LMBRD1: variants seen among roughly 807,000 people sequenced by gnomAD.
LMBRD1 encodes the protein LMBR1 domain containing 1.
In LMBRD1, 64 loss-of-function variants were observed where a neutral mutation model predicts 74.8. The ratio of observed to expected loss-of-function variants is 0.86; its 90% CI spans 0.70 to 1.05. The LOEUF is 1.05. Among genes scored for constraint, LMBRD1 ranks in the 50% least tolerant of loss-of-function variants. The probability of loss-of-function intolerance (pLI) is 0.00; values close to 1 mark genes in which losing one functional copy is unlikely to be tolerated. For missense variants in LMBRD1, 652 were observed against 645.9 expected, an observed-to-expected ratio of 1.01 and a Z score of -0.10; for synonymous variants, 204 against 216.3, an observed-to-expected ratio of 0.94 and a Z score of 0.50.
intron 3 of LMBRD1, among the ~76,000 whole-genome samples, chr6:69,756,362 CAAA>C (rs57798368): frequency 2.7e-5 from 3 of 110,410 alleles, no homozygotes; most frequent in Non-Finnish European, 3.8e-5. Flanking sequence ...GACTCAATCT[CAAA>C]AAAAAAAAAA....
chr6:69,699,199 A>G lies in LMBRD1; in HGVS notation c.1189-7T>C. ...CTCTTCTGATTTTATATAACTGGAA[A>G]GAAAAGAGTGACAAAATTTCAGCAA... is the stretch of plus-strand genomic sequence containing the variant. On this transcript the variant is annotated splice_polypyrimidine_tract_variant and splice_region_variant and intron_variant, in intron 12 of 15. Coordinates refer to ENST00000649934, the MANE Select transcript of LMBRD1 (RefSeq NM_018368.4). 1.2e-6 allele frequency: 2 copies of G among 1,610,306 alleles called. No homozygotes were observed. Among genetic ancestry groups the G allele is most frequent in the Non-Finnish European group, 1.7e-6 (2 of 1,177,054 alleles).
At chr6:69,681,478 T>C (rs148301184) in intron 14 of LMBRD1, among the ~76,000 whole-genome samples, 2,294 of 152,120 alleles carry the variant, frequency 0.015, 63 homozygotes, top group African/African-American at 0.052. Context: ...GTAGAATAAA[T>C]AATACCTTTT....
At chr6:69,704,187 T>C (rs1202081707) in intron 9 of LMBRD1, among the ~76,000 whole-genome samples, 1 of 152,092 alleles carries the variant, frequency 6.6e-6, no homozygotes, top group Non-Finnish European at 1.5e-5. Context: ...GTAATTAATA[T>C]GTTTTGTGGT....
At chr6:69,695,336 CCTT>C (rs1765972250) in intron 14 of LMBRD1, among the ~76,000 whole-genome samples, 1 of 151,794 alleles carries the variant, frequency 6.6e-6, no homozygotes, top group Non-Finnish European at 1.5e-5. Context: ...CTTTTTTCAG[CCTT>C]CTTCTCCATA....
chr6:69,705,653 A>G, intron 9 of LMBRD1: 3 of 873,250 alleles, frequency 3.4e-6, no homozygotes, highest in South Asian at 2.6e-5. Context: ...CACCATCTTC[A>G]TCATTATCAT....
intron 9 of LMBRD1, among the ~76,000 whole-genome samples, chr6:69,706,781 CCA>C (rs1766268932): frequency 1.3e-5 from 2 of 152,128 alleles, no homozygotes; most frequent in African/African-American, 4.8e-5. Context: ...ACATAGATAA[CCA>C]CAGTTATTAT....
intron 3 of LMBRD1, among the ~76,000 whole-genome samples, chr6:69,769,617 T>C (rs1765537503): frequency 6.6e-6 from 1 of 152,138 alleles, no homozygotes; most frequent in African/African-American, 2.4e-5. Flanking sequence ...ATTACGCTTT[T>C]TGCTCCTGAA....
intron 14 of LMBRD1, among the ~76,000 whole-genome samples, chr6:69,678,735 C>T (rs539187866): frequency 6.6e-6 from 1 of 152,238 alleles, no homozygotes; most frequent in East Asian, 1.9e-4. Flanking sequence ...GAGCTCTCTT[C>T]TCAGCTTCAA....
At chr6:69,756,023 C>CT (rs1463256895) in intron 3 of LMBRD1, among the ~76,000 whole-genome samples, 2 of 152,070 alleles carry the variant, frequency 1.3e-5, no homozygotes, top group African/African-American at 4.8e-5. Flanking sequence ...AAAAAGACAA[C>CT]TTTTTTAAAA....
intron 14 of LMBRD1, among the ~76,000 whole-genome samples, chr6:69,692,162 T>C (rs981764362): frequency 1.3e-5 from 2 of 152,176 alleles, no homozygotes; most frequent in African/African-American, 2.4e-5. Flanking sequence ...GTTTGGTACA[T>C]AGGTTTCCAT....
chr6:69,706,798 T>C (rs957835544), intron 9 of LMBRD1, among the ~76,000 whole-genome samples: 3 of 152,180 alleles, frequency 2.0e-5, no homozygotes, highest in Non-Finnish European at 4.4e-5. Context: ...TATTATATCT[T>C]CATTCTAAAT....
chr6:69,757,013 A>G (rs536687427), intron 3 of LMBRD1, among the ~76,000 whole-genome samples: 2 of 152,334 alleles, frequency 1.3e-5, no homozygotes, highest in East Asian at 3.9e-4. Context: ...CTCTTTTACA[A>G]TAATGATGTT....
chr6:69,709,670 G>A (rs1221854218), intron 9 of LMBRD1, among the ~76,000 whole-genome samples: 1 of 152,114 alleles, frequency 6.6e-6, no homozygotes, highest in Non-Finnish European at 1.5e-5. Flanking sequence ...ACCTCCTAAG[G>A]AAGCTACAAT....
chr6:69,715,312 A>G (rs1766465792), intron 8 of LMBRD1, among the ~76,000 whole-genome samples: 1 of 152,144 alleles, frequency 6.6e-6, no homozygotes, highest in African/African-American at 2.4e-5. Context: ...AGAAAAAAAA[A>G]TAGTAAACTG....
chr6:69,734,109 ATTG>A (rs920618687), intron 7 of LMBRD1, among the ~76,000 whole-genome samples: 34 of 152,264 alleles, frequency 2.2e-4, no homozygotes, highest in African/African-American at 7.9e-4. Flanking sequence ...TTATAATTTT[ATTG>A]TTTATGCTGC....
At chr6:69,747,448 G>A (rs975731320) in intron 5 of LMBRD1, among the ~76,000 whole-genome samples, 5 of 152,218 alleles carry the variant, frequency 3.3e-5, no homozygotes, top group African/African-American at 9.7e-5. Flanking sequence ...ATGATACCTT[G>A]TTATGGCAGC....
intron 14 of LMBRD1, among the ~76,000 whole-genome samples, chr6:69,680,960 G>T (rs1302938038): frequency 6.6e-6 from 1 of 151,894 alleles, no homozygotes; most frequent in Non-Finnish European, 1.5e-5. Context: ...CACAATAAAG[G>T]TTCTGAATTT....
intron 9 of LMBRD1, 69 bp downstream of exon 9, chr6:69,713,576 A>G: frequency 6.8e-7 from 1 of 1,481,230 alleles, no homozygotes; most frequent in Non-Finnish European, 9.4e-7. Flanking sequence ...AGGAGAGCTC[A>G]ATCTCTCCAA....
intron 14 of LMBRD1, among the ~76,000 whole-genome samples, chr6:69,688,540 T>A (rs1271777695): frequency 6.6e-6 from 1 of 151,898 alleles, no homozygotes; most frequent in Admixed American, 6.6e-5. Flanking sequence ...ACTTTAAGAA[T>A]TTAATTTTTT....
Sources: allele counts gnomAD v4.1 joint callset (sites outside exome capture counted in the v4.1 genomes callset), GRCh38; gene constraint gnomAD v4.1.1; transcripts MANE v1.5; gene names NCBI Gene and HGNC (gene_info 2026-07-23, HGNC 2026-07-21).